Variants in MGAT4B observed in about 807,000 individuals in gnomAD.
MGAT4B encodes alpha-1,3-mannosyl-glycoprotein 4-beta-N-acetylglucosaminyltransferase B, also known as N-acetylglucosaminyltransferase IVb.
Under a neutral mutation model 73.9 loss-of-function variants are expected in MGAT4B, and 38 were observed. The observed-to-expected ratio is 0.51, with a 90% confidence interval of 0.40 to 0.67. The LOEUF (loss-of-function observed/expected upper bound fraction) is 0.67. Ranked by LOEUF, MGAT4B falls within the 30% of genes least tolerant of loss-of-function variation. MGAT4B has a pLI of 0.00. For missense variants in MGAT4B, 686 were observed against 735.2 expected (o/e 0.93, Z 0.77); for synonymous variants, 373 against 313.5 (o/e 1.19, Z -2.01).
rs528708689 is a variant in MGAT4B, at chr5:179,797,937, G to C, written c.*108C>G. The C allele has an allele frequency of 4.1e-6, 6 of 1,462,874 alleles. No individual in the cohort carries two copies. Among genetic ancestry groups the C allele is most frequent in the Non-Finnish European group, 5.6e-6 (6 of 1,070,676 alleles). 90.6% of individuals were successfully genotyped at this position (1,462,874 alleles called of 1,614,324 possible). On this transcript the variant is annotated 3_prime_UTR_variant, in exon 15 of 15. Coordinates refer to ENST00000292591, the MANE Select transcript of MGAT4B (RefSeq NM_014275.5). ...GCCGGCCCAAGCCCGACGCCAGGCA[G>C]AACCCTTTGGGCGGGGCCGTATCTG...
At chr5:179,802,939 C>T in intron 1 of MGAT4B, 1 of 985,204 alleles carries the variant, frequency 1.0e-6, no homozygotes, top group East Asian at 1.1e-4. Flanking sequence ...GACCGAACTC[C>T]CTCTACACTC....
intron 6 of MGAT4B, 81 bp downstream of exon 6, chr5:179,800,403 A>T: frequency 2.1e-6 from 3 of 1,417,890 alleles, no homozygotes; most frequent in Non-Finnish European, 3.0e-6. Context: ...CTGCAGGGAA[A>T]CACCCTGGAC....
rs759982479 is a variant in MGAT4B at position 179,799,216 on chromosome 5, A to G, written c.1136T>C (p.Ile379Thr). Residue 379 changes from isoleucine to threonine, a missense_variant, in exon 10 of 15, where the codon ATC (isoleucine) becomes ACC (threonine). This residue lies in a region of MGAT4B where 449 missense variants were observed against 536.8 expected (regional missense o/e 0.84). Coordinates refer to ENST00000292591, the MANE Select transcript of MGAT4B (RefSeq NM_014275.5). ...AGTGCAGCCCACCTTCAGTTTCTGGATCTTGCCAGCCAGCGAGGAGTGAGT... is the reference window on the plus strand; with the variant it reads ...AGTGCAGCCCACCTTCAGTTTCTGGGTCTTGCCAGCCAGCGAGGAGTGAGT... ...VGTHSSLAGK[I>T]QKLKDKDFGK... The G allele has an allele frequency of 6.2e-7, 1 of 1,613,940 alleles. No individual in the cohort carries two copies. The highest frequency in any genetic ancestry group is 8.5e-7 in the Non-Finnish European group (1 of 1,180,020).
At chr5:179,802,885 C>T in intron 1 of MGAT4B, 2 of 985,430 alleles carry the variant, frequency 2.0e-6, no homozygotes, top group Non-Finnish European at 1.2e-6. Context: ...ACCTATGTGG[C>T]CTACAAGGCC....
chr5:179,798,981 A>C lies in MGAT4B; in HGVS notation c.1290T>G (p.Pro430=), dbSNP rs780722671. 5.0e-6 allele frequency: 8 copies of C among 1,613,778 alleles called. No homozygotes were observed. The East Asian group carries it at 1.6e-4, about 31-fold the overall frequency. The part of the protein sequence containing the change: ...LREDFFWAFT[P]AAGDFIRFRF... ...GGAAGCGGATGAAGTCCCCCGCGGC[A>C]GGGGTGAAGGCCCAGAAGAAGTCCT... The change falls in exon 11 of 15, where the codon CCT becomes CCG. Residue 430 remains proline (P), a synonymous_variant. Transcript: ENST00000292591.
chr5:179,802,744 G>A (rs1318443766), intron 1 of MGAT4B: 9 of 985,536 alleles, frequency 9.1e-6, no homozygotes, highest in South Asian at 4.7e-5. Flanking sequence ...GGGGCTGCCC[G>A]ACAGTAGAGA....
rs770355423 is a variant in MGAT4B at position 179,798,343 on chromosome 5, C to A, written c.1510+4G>T. On this transcript the variant is annotated splice_donor_region_variant and intron_variant, in intron 13 of 14. Transcript: ENST00000292591. Reference sequence around the variant, plus strand: ...GCCCACGCTCTCCCCCAAACCCTACCCACCGATCTGGAGGTAGCCGTCGGG... The same window carrying A: ...GCCCACGCTCTCCCCCAAACCCTACACACCGATCTGGAGGTAGCCGTCGGG... 1.2e-6 allele frequency: 2 copies of A among 1,613,106 alleles called. No individual in the cohort carries two copies. Among genetic ancestry groups the A allele is most frequent in the South Asian group, 1.1e-5 (1 of 91,090 alleles).
chr5:179,800,506 C>T lies in MGAT4B; in HGVS notation c.697G>A (p.Gly233Arg). 1.2e-6 allele frequency: 2 copies of T among 1,609,918 alleles called. No individual in the cohort carries two copies. The highest frequency in any genetic ancestry group is 8.5e-7 in the Non-Finnish European group (1 of 1,178,652). Residue 233 changes from glycine to arginine, a missense_variant, in exon 6 of 15, where the codon GGG (glycine) becomes AGG (arginine). Physicochemically the swap from Gly to Arg is moderately radical, Grantham distance 125. Transcript: ENST00000292591. Reference protein sequence around the residue: ...PDFSRLRESFGDPKERVRWRT... With the variant: ...PDFSRLRESFRDPKERVRWRT... ...TACCTGACTCTCTCCTTGGGGTCCC[C>T]AAAGGACTCTCGGAGGCGGGAGAAG...
chr5:179,805,966 G>A (rs114492818), intron 1 of MGAT4B, among the ~76,000 whole-genome samples: 4,968 of 140,378 alleles, frequency 0.035, 169 homozygotes, highest in African/African-American at 0.092. Context: ...GGGCCGGGCT[G>A]CCTCAGGACG....
At position 179,802,931 on chromosome 5, in the gene MGAT4B, C is replaced by T. The variant is rs562785508; in HGVS notation, c.98-962G>A. ...AAGTCTCCAAGTTTAAGAAGCCTGA[C>T]CGAACTCCCTCTACACTCAGGCAGC... On this transcript the variant is annotated intron_variant, in intron 1 of 14. Coordinates refer to ENST00000292591, the MANE Select transcript of MGAT4B (RefSeq NM_014275.5). 158 of 985,280 alleles carry T rather than the reference C, an allele frequency of 1.6e-4. No individual in the cohort carries two copies. The African/African-American group carries it at 2.7e-3, about 17-fold the overall frequency. The allele number at this position is 985,280 out of a possible 1,614,324, so 61.0% of individuals were successfully genotyped here. A position where few individuals can be genotyped will look rare whatever the true frequency, so the allele number is the denominator to read the frequency against.
chr5:179,800,048 G>A lies in MGAT4B; in HGVS notation c.816C>T (p.Ala272=), dbSNP rs1327393261. ...YYVQLEDDIV[A]KPNYLSTMKN... ...TCATGGTGCTCAGGTAGTTGGGCTT[G>A]GCCACGATGTCATCCTCCAGCTGCG... Residue 272 remains alanine (A), a synonymous_variant, in exon 8 of 15, where the codon GCC becomes GCT. Transcript: ENST00000292591. 7.4e-6 allele frequency: 12 copies of A among 1,613,916 alleles called. No homozygotes were observed. Among genetic ancestry groups the A allele is most frequent in the East Asian group, 4.5e-5 (2 of 44,894 alleles).
chr5:179,800,895 G>A lies in MGAT4B; in HGVS notation c.605+12C>T, dbSNP rs199693509. The A allele has an allele frequency of 6.8e-5, 109 of 1,613,046 alleles. No individual in the cohort carries two copies. In the African/African-American group the frequency reaches 8.7e-4, roughly 13 times the overall value. ...CTCCCGCCACCAGCTCTCTGGGGTC[G>A]CCAGTACTCACAAGGCCTTGATGTT... On this transcript the variant is annotated intron_variant, in intron 5 of 14. Coordinates refer to ENST00000292591, the MANE Select transcript of MGAT4B (RefSeq NM_014275.5).
chr5:179,804,302 G>A (rs916339288), intron 1 of MGAT4B, among the ~76,000 whole-genome samples: 1 of 151,970 alleles, frequency 6.6e-6, no homozygotes, highest in African/African-American at 2.4e-5. Flanking sequence ...GTGTGTGGCA[G>A]GTGTCTGCCT....
chr5:179,806,598 G>A lies in MGAT4B; in HGVS notation c.-15C>T. ...CGGAGCCTCATCTCCTCGGGTGCGCGGCGGGCGCCCGCGGGGCCGAGGCTG... is the reference window on the plus strand; with the variant it reads ...CGGAGCCTCATCTCCTCGGGTGCGCAGCGGGCGCCCGCGGGGCCGAGGCTG... On this transcript the variant is annotated 5_prime_UTR_variant, in exon 1 of 15. Coordinates refer to ENST00000292591, the MANE Select transcript of MGAT4B (RefSeq NM_014275.5). This position sits in a 1 kb window ranked among gnomAD's most constrained non-coding sequence, Gnocchi z 4.6. 1.6e-6 allele frequency: 2 copies of A among 1,234,666 alleles called. No individual in the cohort carries two copies. The highest frequency in any genetic ancestry group is 1.7e-5 in the South Asian group (1 of 58,214). The allele number at this position is 1,234,666 out of a possible 1,614,324, so 76.5% of individuals were successfully genotyped here.
chr5:179,798,427 T>C lies in MGAT4B; in HGVS notation c.1430A>G (p.Gln477Arg). The C allele has an allele frequency of 6.2e-7, 1 of 1,612,588 alleles. No homozygotes were observed. The highest frequency in any genetic ancestry group is 1.1e-5 in the South Asian group (1 of 91,024). ...CTCCTGCAGGGCCTCCTTGTCTGAC[T>C]GAGGGTTCTGGGGGCAGAATCAAGG... Reference protein sequence around the residue: ...SVEVLPFDNPQSDKEALQEGR... With the variant: ...SVEVLPFDNPRSDKEALQEGR... Residue 477 changes from glutamine to arginine, a missense_variant, in exon 13 of 15, where the codon CAG (glutamine) becomes CGG (arginine). Coordinates refer to ENST00000292591, the MANE Select transcript of MGAT4B (RefSeq NM_014275.5).
chr5:179,798,726 C>G, intron 11 of MGAT4B, 135 bp from the exon 12 acceptor site: 2 of 1,148,844 alleles, frequency 1.7e-6, no homozygotes, highest in Non-Finnish European at 1.3e-6. Context: ...GAGACCAGGG[C>G]CTTCCTCTGG....
intron 1 of MGAT4B, chr5:179,802,923 A>G (rs544616085): frequency 2.0e-6 from 2 of 985,362 alleles, no homozygotes; most frequent in African/African-American, 3.5e-5. Flanking sequence ...CAAGTTTAAG[A>G]AGCCTGACCG....
At chr5:179,798,140 C>CT in intron 14 of MGAT4B, 25 bp downstream of exon 14, 1 of 1,590,752 alleles carries the variant, frequency 6.3e-7, no homozygotes, top group Non-Finnish European at 8.6e-7. Context: ...CTCCCCGTGC[C>CT]TGGCCTGGCC....
intron 1 of MGAT4B, chr5:179,802,789 A>G: frequency 1.1e-5 from 11 of 985,580 alleles, no homozygotes; most frequent in Non-Finnish European, 1.3e-5. Context: ...AGTGAGCAAG[A>G]ATGAGATCAA....
Sources: allele counts gnomAD v4.1 joint callset (sites outside exome capture counted in the v4.1 genomes callset), GRCh38; gene constraint gnomAD v4.1.1; regional missense constraint gnomAD v4.1.1; non-coding constraint Gnocchi (gnomAD v3.1); transcripts MANE v1.5; gene names NCBI Gene and HGNC (gene_info 2026-07-23, HGNC 2026-07-21).